Variants in PVT1 observed in about 807,000 individuals in gnomAD.
PVT1 encodes CXCR4/PVT1 fusion.
intron 2 of PVT1, among the ~76,000 whole-genome samples, chr8:127,845,816 C>A (rs28551700): frequency 6.6e-6 from 1 of 152,110 alleles, no homozygotes; most frequent in Non-Finnish European, 1.5e-5. Flanking sequence ...CCAGGCCTGG[C>A]GAGGATTTTG....
intron 3 of PVT1, among the ~76,000 whole-genome samples, chr8:127,914,556 T>C (rs1315436311): frequency 6.6e-6 from 1 of 152,190 alleles, no homozygotes; most frequent in Non-Finnish European, 1.5e-5. Flanking sequence ...ACAACCCAGA[T>C]GTCCAATGTC....
At chr8:127,843,108 C>G (rs141336101) in intron 2 of PVT1, among the ~76,000 whole-genome samples, 3,851 of 152,256 alleles carry the variant, frequency 0.025, 58 homozygotes, top group African/African-American at 0.037. Flanking sequence ...GTAATCTCAG[C>G]ACTTTGGGAG....
chr8:127,924,587 C>G (rs2129872899), intron 3 of PVT1, among the ~76,000 whole-genome samples: 1 of 149,224 alleles, frequency 6.7e-6, no homozygotes, highest in South Asian at 2.1e-4. Flanking sequence ...TGTCGGCTCA[C>G]TGTAAGCTCC....
intron 2 of PVT1, among the ~76,000 whole-genome samples, chr8:127,869,795 T>C (rs940647818): frequency 7.2e-5 from 11 of 151,970 alleles, no homozygotes; most frequent in Non-Finnish European, 1.6e-4. Context: ...TATTTGGACA[T>C]AGGGTTTTTG....
Position 127,937,578 on chromosome 8 carries a change from C to CAGAGAGAGAGAGAGAGAG in PVT1, n.782+46581_782+46582insGAGAGAGAGAGAGAGAGA, listed in dbSNP as rs1296575228. On this transcript the variant is annotated intron_variant and non_coding_transcript_variant, in intron 3 of 10. Coordinates refer to ENST00000651587, the Ensembl canonical transcript of PVT1. Reference sequence around the variant, plus strand: ...ACACACACACACACACACACACACACACAGAGAGAGAGAGAGAGAGAGAGA... The same window carrying CAGAGAGAGAGAGAGAGAG: ...ACACACACACACACACACACACACACAGAGAGAGAGAGAGAGAGACAGAGAGAGAGAGAGAGAGAGAGA... Among the ~76,000 whole-genome samples, 287 of 119,286 alleles carry CAGAGAGAGAGAGAGAGAG rather than the reference C, an allele frequency of 2.4e-3. 1 individual carries two copies. Among genetic ancestry groups the CAGAGAGAGAGAGAGAGAG allele is most frequent in the African/African-American group, 8.0e-3 (251 of 31,244 alleles). The allele number at this position is 119,286 out of a possible 152,430, so 78.3% of individuals were successfully genotyped here. A position where few individuals can be genotyped will look rare whatever the true frequency, so the allele number is the denominator to read the frequency against.
chr8:127,872,582 C>G (rs1815362984), intron 2 of PVT1, among the ~76,000 whole-genome samples: 1 of 152,032 alleles, frequency 6.6e-6, no homozygotes, highest in Non-Finnish European at 1.5e-5. Context: ...TGTGTACCCA[C>G]AAAAATTAAA....
At chr8:127,906,879 A>G (rs1321434004) in intron 3 of PVT1, among the ~76,000 whole-genome samples, 1 of 152,050 alleles carries the variant, frequency 6.6e-6, no homozygotes, top group Non-Finnish European at 1.5e-5. Context: ...AGATGTGAAA[A>G]CAGGCTCGGA....
intron 2 of PVT1, among the ~76,000 whole-genome samples, chr8:127,831,298 A>T (rs1814848646): frequency 7.0e-6 from 1 of 143,744 alleles, no homozygotes; most frequent in African/African-American, 2.5e-5. Flanking sequence ...ACAAAAAATT[A>T]AAAAAAAAAA....
intron 3 of PVT1, among the ~76,000 whole-genome samples, chr8:127,967,455 G>A (rs1268004095): frequency 3.3e-5 from 5 of 152,192 alleles, no homozygotes; most frequent in African/African-American, 1.2e-4. Context: ...GAAGAAAAAC[G>A]GCAGAGGCTA....
At chr8:128,024,763 C>T (rs1022303161) in intron 4 of PVT1, among the ~76,000 whole-genome samples, 2 of 152,268 alleles carry the variant, frequency 1.3e-5, no homozygotes, top group African/African-American at 4.8e-5. Context: ...TGCGCCTGTG[C>T]TGTCTTCAGG....
chr8:127,938,573 A>T (rs1816307257), intron 3 of PVT1, among the ~76,000 whole-genome samples: 1 of 152,204 alleles, frequency 6.6e-6, no homozygotes, highest in Non-Finnish European at 1.5e-5. Context: ...CAAGAACGCA[A>T]ATGTAAGATC....
intron 5 of PVT1, among the ~76,000 whole-genome samples, chr8:128,072,196 G>A (rs747086452): frequency 5.3e-5 from 8 of 152,058 alleles, no homozygotes; most frequent in East Asian, 1.9e-4. Flanking sequence ...TCACCATTGC[G>A]CCCCTCATCA....
At chr8:127,995,453 T>C (rs982004530) in intron 4 of PVT1, among the ~76,000 whole-genome samples, 2 of 152,242 alleles carry the variant, frequency 1.3e-5, no homozygotes, top group African/African-American at 4.8e-5. Flanking sequence ...TCTTTTAAGA[T>C]ACACCCCCCA....
At chr8:128,077,068 A>G (rs549802904) in intron 5 of PVT1, among the ~76,000 whole-genome samples, 13 of 152,316 alleles carry the variant, frequency 8.5e-5, no homozygotes, top group African/African-American at 2.9e-4. Flanking sequence ...AGGGGGCCCA[A>G]TGAGGCTTTC....
intron 3 of PVT1, among the ~76,000 whole-genome samples, chr8:127,976,621 C>T (rs967538259): frequency 2.6e-5 from 4 of 152,144 alleles, no homozygotes; most frequent in African/African-American, 9.7e-5. Flanking sequence ...ACACCGGCAC[C>T]TACTTATTGA....
At chr8:127,921,943 C>A (rs1816066062) in intron 3 of PVT1, among the ~76,000 whole-genome samples, 1 of 132,190 alleles carries the variant, frequency 7.6e-6, no homozygotes, top group African/African-American at 2.8e-5. Flanking sequence ...TCACTGCAAC[C>A]TCTGCCTCCT....
chr8:127,800,229 T>G (rs1814448110), intron 2 of PVT1, among the ~76,000 whole-genome samples: 1 of 152,190 alleles, frequency 6.6e-6, no homozygotes, highest in Non-Finnish European at 1.5e-5. Context: ...AGCCCTAACA[T>G]TGACTACTTG....
chr8:127,978,786 CATT>C (rs144602361), intron 3 of PVT1, among the ~76,000 whole-genome samples: 2,285 of 152,220 alleles, frequency 0.015, 51 homozygotes, highest in African/African-American at 0.053. Flanking sequence ...GCACCCGGAC[CATT>C]ATTATTATAA....
chr8:128,063,243 T>C (rs1260512483), intron 4 of PVT1, among the ~76,000 whole-genome samples: 4 of 152,170 alleles, frequency 2.6e-5, no homozygotes, highest in African/African-American at 9.7e-5. Context: ...CCAGGCACAG[T>C]GGCTCAAGCC....
Sources: allele counts gnomAD v4.1 joint callset (sites outside exome capture counted in the v4.1 genomes callset), GRCh38; gene constraint gnomAD v4.1.1; transcripts MANE v1.5; gene names NCBI Gene and HGNC (gene_info 2026-07-23, HGNC 2026-07-21).